The following CDH12 variants were observed in gnomAD, a reference collection of about 807,000 sequenced individuals.
CDH12 encodes the protein cadherin 12.
Under a neutral mutation model 74.1 loss-of-function variants are expected in CDH12, and 41 were observed. The observed-to-expected ratio is 0.55, with a 90% CI of 0.43 to 0.72. CDH12 has a LOEUF of 0.72. Among genes scored for constraint, CDH12 ranks in the 30% least tolerant of loss-of-function variants. CDH12 has a pLI of 0.00. For synonymous variants in CDH12, 399 were observed against 355.0 expected (o/e 1.12, Z -1.39); for missense variants, 945 against 977.2 (o/e 0.97, Z 0.44).
chr5:22,601,495 T>C (rs1052323601), intron 1 of CDH12, among the ~76,000 whole-genome samples: 1 of 152,002 alleles, frequency 6.6e-6, no homozygotes, highest in Non-Finnish European at 1.5e-5. Context: ...AACTATGAAA[T>C]AGTAGACAGA....
At chr5:21,778,890 A>T (rs868176976) in intron 11 of CDH12, among the ~76,000 whole-genome samples, 1 of 152,172 alleles carries the variant, frequency 6.6e-6, no homozygotes, top group African/African-American at 2.4e-5. Context: ...GGATAATATT[A>T]CTTCATGTGA....
chr5:21,865,803 A>T (rs1751294667), intron 6 of CDH12, among the ~76,000 whole-genome samples: 1 of 152,000 alleles, frequency 6.6e-6, no homozygotes, highest in Admixed American at 6.6e-5. Flanking sequence ...ACAAGGGCAA[A>T]CTCACCCCAG....
intron 1 of CDH12, among the ~76,000 whole-genome samples, chr5:22,713,399 C>T (rs1445819866): frequency 1.3e-5 from 2 of 151,782 alleles, no homozygotes; most frequent in African/African-American, 2.4e-5. Flanking sequence ...CCTTGGCCTC[C>T]GAAACTGCTG....
At chr5:22,629,097 A>T (rs1313310375) in intron 1 of CDH12, among the ~76,000 whole-genome samples, 1 of 152,086 alleles carries the variant, frequency 6.6e-6, no homozygotes, top group African/African-American at 2.4e-5. Context: ...ACAAAAGTGA[A>T]TCAGTAATAA....
intron 3 of CDH12, among the ~76,000 whole-genome samples, chr5:22,349,899 T>A (rs1463411193): frequency 6.6e-6 from 1 of 152,166 alleles, no homozygotes; most frequent in African/African-American, 2.4e-5. Flanking sequence ...CTTTAAAAAA[T>A]TTGTCAACCA....
intron 2 of CDH12, among the ~76,000 whole-genome samples, chr5:22,502,875 A>T (rs1268414156): frequency 6.6e-6 from 1 of 151,838 alleles, no homozygotes; most frequent in East Asian, 1.9e-4. Context: ...TCATTCTCTA[A>T]CTCCTCAAAT....
In CDH12 at chr5:22,776,130, T is replaced by C. The variant is rs372627584; in HGVS notation, c.-523+76928A>G. Among the ~76,000 whole-genome samples, 16 of 152,252 alleles carry C rather than the reference T, an allele frequency of 1.1e-4. No homozygotes were observed. In the South Asian group the frequency reaches 3.3e-3, roughly 32 times the overall value. ...CAGCATGAATGCGGACTAATACACTTACACTGCATGTTCAGGAACGGTCAG... is the reference window on the plus strand; with the variant it reads ...CAGCATGAATGCGGACTAATACACTCACACTGCATGTTCAGGAACGGTCAG... On this transcript the variant is annotated intron_variant, in intron 1 of 14. Transcript: ENST00000382254.
chr5:21,853,138 A>C (rs1043509035), intron 7 of CDH12, among the ~76,000 whole-genome samples: 1 of 151,302 alleles, frequency 6.6e-6, no homozygotes, highest in Non-Finnish European at 1.5e-5. Context: ...TTTCACAGCT[A>C]AAAAAAATCA....
At chr5:22,702,477 A>C (rs1294486050) in intron 1 of CDH12, among the ~76,000 whole-genome samples, 1 of 152,074 alleles carries the variant, frequency 6.6e-6, no homozygotes, top group Non-Finnish European at 1.5e-5. Flanking sequence ...CATGCAATAC[A>C]TACAGTCGTT....
chr5:22,518,785 C>T (rs1337503438), intron 1 of CDH12, among the ~76,000 whole-genome samples: 2 of 152,148 alleles, frequency 1.3e-5, no homozygotes, highest in African/African-American at 4.8e-5. Context: ...CAAGGAGTGC[C>T]TTTGGTAAAC....
intron 3 of CDH12, among the ~76,000 whole-genome samples, chr5:22,368,855 G>A (rs766039763): frequency 2.6e-5 from 4 of 151,972 alleles, no homozygotes; most frequent in East Asian, 1.9e-4. Flanking sequence ...AACATCTTTC[G>A]GGTCAGGCGT....
At chr5:22,704,502 A>C (rs1420056044) in intron 1 of CDH12, among the ~76,000 whole-genome samples, 3 of 152,146 alleles carry the variant, frequency 2.0e-5, no homozygotes, top group African/African-American at 7.2e-5. Context: ...AAAGTCCAGT[A>C]AAGTATTCAC....
At chr5:22,792,147 C>T (rs572404427) in intron 1 of CDH12, among the ~76,000 whole-genome samples, 157 of 140,060 alleles carry the variant, frequency 1.1e-3, no homozygotes, top group Admixed American at 5.2e-3. Context: ...GGAGTGCAGT[C>T]GCATAATCTC....
chr5:22,680,709 C>A (rs1741444972), intron 1 of CDH12, among the ~76,000 whole-genome samples: 1 of 151,784 alleles, frequency 6.6e-6, no homozygotes, highest in South Asian at 2.1e-4. Flanking sequence ...CATTGGGCAG[C>A]CACATAGAGT....
At chr5:22,474,615 A>AT (rs1284516440) in intron 2 of CDH12, among the ~76,000 whole-genome samples, 1 of 152,114 alleles carries the variant, frequency 6.6e-6, no homozygotes, top group Non-Finnish European at 1.5e-5. Context: ...TCCATTGTGA[A>AT]TGTGTAATTA....
In CDH12 at chr5:22,601,831, CTCATTTTCACCTTTGAAAGG is replaced by C. The variant is rs1736867373; in HGVS notation, c.-522-96487_-522-96468del. Among the ~76,000 whole-genome samples, 5 of 152,114 alleles carry C rather than the reference CTCATTTTCACCTTTGAAAGG, an allele frequency of 3.3e-5. No individual in the cohort carries two copies. In the South Asian group the frequency reaches 1.0e-3, roughly 31 times the overall value. ...AAATGCAGGATGATTTCACTGCAGT[CTCATTTTCACCTTTGAAAGG>C]AAGAAACTGGATATACTACACTGAA... On this transcript the variant is annotated intron_variant, in intron 1 of 14. Transcript: ENST00000382254.
intron 7 of CDH12, among the ~76,000 whole-genome samples, chr5:21,844,170 G>A (rs1011933964): frequency 4.6e-5 from 7 of 152,030 alleles, no homozygotes; most frequent in African/African-American, 1.4e-4. Flanking sequence ...TGCAAAGATC[G>A]TCTTTTCCCA....
chr5:22,530,230 G>A (rs567868582), intron 1 of CDH12, among the ~76,000 whole-genome samples: 2 of 152,168 alleles, frequency 1.3e-5, no homozygotes, highest in South Asian at 4.1e-4. Flanking sequence ...TCTAAGAAGA[G>A]GTAACATTAG....
chr5:22,202,864 AG>A (rs763538879), intron 4 of CDH12, among the ~76,000 whole-genome samples: 78 of 152,258 alleles, frequency 5.1e-4, no homozygotes, highest in Non-Finnish European at 8.8e-4. Flanking sequence ...CACAGCATTT[AG>A]GTAAGTGACT....
Sources: allele counts gnomAD v4.1 joint callset (sites outside exome capture counted in the v4.1 genomes callset), GRCh38; gene constraint gnomAD v4.1.1; transcripts MANE v1.5; gene names NCBI Gene and HGNC (gene_info 2026-07-23, HGNC 2026-07-21).